The following PTMA variants were observed in gnomAD, a reference collection of about 807,000 sequenced individuals.
The protein encoded by PTMA is prothymosin alpha.
PTMA carries 4 observed loss-of-function variants against 16.9 expected under a neutral mutation model. The observed-to-expected ratio is 0.24, with a 90% CI of 0.12 to 0.54. The LOEUF is 0.54. PTMA is among the 20% of genes least tolerant of loss of function. The pLI, the probability that PTMA is intolerant of heterozygous loss-of-function variation, is 0.95. For synonymous variants in PTMA, 58 were observed against 47.9 expected, an observed-to-expected ratio of 1.21 and a Z score of -0.87; for missense variants, 120 against 137.7, an observed-to-expected ratio of 0.87 and a Z score of 0.64.
At chr2:231,710,381 G>C in intron 1 of PTMA, 1 of 1,185,570 alleles carries the variant, frequency 8.4e-7, no homozygotes, top group Non-Finnish European at 1.0e-6. Context: ...AAAGCCCGCC[G>C]GGCGGGGGAT....
At chr2:231,710,834 C>T (rs551827274) in intron 1 of PTMA, among the ~76,000 whole-genome samples, 1 of 152,236 alleles carries the variant, frequency 6.6e-6, no homozygotes, top group African/African-American at 2.4e-5. Context: ...AGATACCTGT[C>T]CTGGCCGGGG....
Position 231,711,494 on chromosome 2 carries a change from C to G in PTMA, c.117+75C>G, listed in dbSNP as rs944201711. 5.9e-6 allele frequency: 8 copies of G among 1,350,388 alleles called. No individual in the cohort carries two copies. The African/African-American group carries it at 7.2e-5, about 12-fold the overall frequency. The allele number at this position is 1,350,388 out of a possible 1,614,324, so 83.7% of individuals were successfully genotyped here. A position where few individuals can be genotyped will look rare whatever the true frequency, so the allele number is the denominator to read the frequency against. On this transcript the variant is annotated intron_variant, in intron 2 of 4. Transcript: ENST00000409115. ...TTTTTCCTGTTCTACTTTAAACATA[C>G]CTATATATGTGTGTGTATGTGTATA...
intron 1 of PTMA, chr2:231,710,207 C>CA: frequency 7.5e-7 from 1 of 1,330,492 alleles, no homozygotes; most frequent in Non-Finnish European, 9.7e-7. Flanking sequence ...GCCGGGGTGG[C>CA]GGCAGTGGGG....
At chr2:231,709,993 T>G in intron 1 of PTMA, 52 of 1,043,906 alleles carry the variant, frequency 5.0e-5, no homozygotes, top group Non-Finnish European at 5.5e-5. Flanking sequence ...AGTCCGGGAA[T>G]GAGTTTGTGG....
rs151332616 is a variant in PTMA, at chr2:231,713,485, A to T, written c.*634A>T. 1 of 418,130 alleles carries T rather than the reference A, an allele frequency of 2.4e-6. No individual in the cohort carries two copies. The highest frequency in any genetic ancestry group is 2.1e-5 in the African/African-American group (1 of 48,096). The allele number at this position is 418,130 out of a possible 1,614,324, so 25.9% of individuals were successfully genotyped here. A position where few individuals can be genotyped will look rare whatever the true frequency, so the allele number is the denominator to read the frequency against. On this transcript the variant is annotated 3_prime_UTR_variant, in exon 5 of 5. Transcript: ENST00000409115. ...TTTTGGCCTGTTTGATGTATGTGTG[A>T]AACAATGTTGTCCAACAATAAACAG...
chr2:231,710,129 C>G (rs2048497635), intron 1 of PTMA: 2 of 1,248,710 alleles, frequency 1.6e-6, no homozygotes, highest in Non-Finnish European at 2.0e-6. Flanking sequence ...CTCGGACCTA[C>G]GCAGCCCGGT....
intron 1 of PTMA, chr2:231,710,073 C>A: frequency 1.6e-6 from 2 of 1,230,794 alleles, no homozygotes; most frequent in Non-Finnish European, 2.0e-6. Flanking sequence ...AGGTGACTTC[C>A]CGCGAGGGCG....
chr2:231,710,267 C>T (rs778588976), intron 1 of PTMA: 23 of 1,317,224 alleles, frequency 1.7e-5, no homozygotes, highest in East Asian at 1.2e-4. Context: ...GCGCGTGCCA[C>T]TGCAAGCTCT....
intron 1 of PTMA, chr2:231,710,312 C>T: frequency 1.6e-6 from 2 of 1,245,988 alleles, no homozygotes; most frequent in African/African-American, 1.5e-5. Context: ...GCAAGGGACG[C>T]ACTCGGCGGC....
rs899890797 is a variant in PTMA, at chr2:231,711,381, G to A, written c.79G>A (p.Ala27Thr). 5 of 1,614,008 alleles carry A rather than the reference G, an allele frequency of 3.1e-6. No individual in the cohort carries two copies. The African/African-American group carries it at 4.0e-5, about 13-fold the overall frequency. ...LKEKKEVVEE[A>T]ENGRDAPANG... ...GGAGAAGAAGGAAGTTGTGGAAGAG[G>A]CAGAAAATGGAAGAGACGCCCCTGC... The change falls in exon 2 of 5, where the codon GCA becomes ACA. Residue 27 changes from alanine (A) to threonine (T), a missense_variant. Coordinates refer to ENST00000409115, the MANE Select transcript of PTMA (RefSeq NM_002823.5).
intron 1 of PTMA, 171 bp from the exon 2 acceptor site, chr2:231,711,177 C>A: frequency 1.7e-6 from 1 of 573,286 alleles, no homozygotes; most frequent in Non-Finnish European, 3.1e-6. Context: ...GGCCTTCCTT[C>A]CACCAGACCA....
At position 231,708,669 on chromosome 2, in the gene PTMA, T is replaced by C; in HGVS notation, c.-38T>C. ...CAGAGTCCCTGAACTCTCGCTTTCT[T>C]TTTAATCCCCTGCATCGGATCACCG... On this transcript the variant is annotated 5_prime_UTR_variant, in exon 1 of 5. Coordinates refer to ENST00000409115, the MANE Select transcript of PTMA (RefSeq NM_002823.5). 1.3e-6 allele frequency: 2 copies of C among 1,599,886 alleles called. No homozygotes were observed. Among genetic ancestry groups the C allele is most frequent in the African/African-American group, 1.3e-5 (1 of 74,964 alleles).
In PTMA at chr2:231,708,547, G is replaced by C; in HGVS notation, c.-160G>C. On this transcript the variant is annotated 5_prime_UTR_variant, in exon 1 of 5. Coordinates refer to ENST00000409115, the MANE Select transcript of PTMA (RefSeq NM_002823.5). ...AGTCCCCCACTGGCTGCTCTGAAAAGCCATCTTTGCATTGTTCCTCATCCG... is the reference window on the plus strand; with the variant it reads ...AGTCCCCCACTGGCTGCTCTGAAAACCCATCTTTGCATTGTTCCTCATCCG... 1.2e-6 allele frequency: 1 copy of C among 818,650 alleles called. No homozygotes were observed. The highest frequency in any genetic ancestry group is 2.0e-6 in the Non-Finnish European group (1 of 498,554). 50.7% of individuals were successfully genotyped at this position (818,650 alleles called of 1,614,324 possible). A position where few individuals can be genotyped will look rare whatever the true frequency, so the allele number is the denominator to read the frequency against.
rs781395055 is a variant in PTMA at position 231,711,413 on chromosome 2, G to A, written c.111G>A (p.Gly37=). ...AENGRDAPAN[G]NANEENGEQE... is the part of the protein sequence containing the mutation. Reference sequence around the variant, plus strand: ...ATGGAAGAGACGCCCCTGCTAACGGGAATGCTGTGAGTGTCTGCTTTGCTC... The same window carrying A: ...ATGGAAGAGACGCCCCTGCTAACGGAAATGCTGTGAGTGTCTGCTTTGCTC... The change falls in exon 2 of 5, where the codon GGG becomes GGA. Residue 37 remains glycine, a synonymous_variant. Coordinates refer to ENST00000409115, the MANE Select transcript of PTMA (RefSeq NM_002823.5). 2 of 1,613,998 alleles carry A rather than the reference G, an allele frequency of 1.2e-6. No homozygotes were observed. The highest frequency in any genetic ancestry group is 1.3e-5 in the African/African-American group (1 of 74,930).
At position 231,711,359 on chromosome 2, in the gene PTMA, G is replaced by A. The variant is rs755974907; in HGVS notation, c.57G>A (p.Glu19=). The change falls in exon 2 of 5, where the codon GAG becomes GAA. Residue 19 remains glutamate (E), a synonymous_variant. Transcript: ENST00000409115. ...CTTCCCTTTTGAAGGACTTAAAGGA[G>A]AAGAAGGAAGTTGTGGAAGAGGCAG... ...SSEITTKDLK[E]KKEVVEEAEN... The A allele has an allele frequency of 1.9e-6, 3 of 1,613,932 alleles. No individual in the cohort carries two copies. Among genetic ancestry groups the A allele is most frequent in the Admixed American group, 3.3e-5 (2 of 60,000 alleles).
chr2:231,709,335 C>CGGCGGAGGTGTGACG (rs1559282356), intron 1 of PTMA, among the ~76,000 whole-genome samples: 1 of 151,676 alleles, frequency 6.6e-6, no homozygotes, highest in African/African-American at 2.4e-5. Context: ...TCGGCCGTCC[C>CGGCGGAGGTGTGACG]GGCGGAGGTG....
At chr2:231,709,075 T>A (rs2048480396) in intron 1 of PTMA, among the ~76,000 whole-genome samples, 1 of 151,944 alleles carries the variant, frequency 6.6e-6, no homozygotes, top group Admixed American at 6.5e-5. Context: ...AGAGCCTGGC[T>A]GGGGGTCGTC....
Position 231,711,428 on chromosome 2 carries a change from CTGCTT to C in PTMA, c.117+14_117+18del. 1 of 1,613,908 alleles carries C rather than the reference CTGCTT, an allele frequency of 6.2e-7. No homozygotes were observed. The highest frequency in any genetic ancestry group is 8.5e-7 in the Non-Finnish European group (1 of 1,179,756). On this transcript the variant is annotated intron_variant, in intron 2 of 4. Transcript: ENST00000409115. ...CTGCTAACGGGAATGCTGTGAGTGT[CTGCTT>C]TGCTCCTGAGCCCTGGCAGCTACCG... is the stretch of plus-strand genomic sequence containing the variant.
Position 231,708,635 on chromosome 2 carries a change from C to T in PTMA, c.-72C>T. ...CCTCCGCCGCCGCGGACTCCGGCAG[C>T]TTTATCGCCAGAGTCCCTGAACTCT... On this transcript the variant is annotated 5_prime_UTR_variant, in exon 1 of 5. Transcript: ENST00000409115. 3 of 1,581,728 alleles carry T rather than the reference C, an allele frequency of 1.9e-6. No homozygotes were observed. Among genetic ancestry groups the T allele is most frequent in the Non-Finnish European group, 2.6e-6 (3 of 1,165,714 alleles).
Sources: allele counts gnomAD v4.1 joint callset (sites outside exome capture counted in the v4.1 genomes callset), GRCh38; gene constraint gnomAD v4.1.1; transcripts MANE v1.5; gene names NCBI Gene and HGNC (gene_info 2026-07-23, HGNC 2026-07-21).